RAPGEF1: variants seen among roughly 807,000 people sequenced by gnomAD.
The protein encoded by RAPGEF1 is Rap guanine nucleotide exchange factor 1, also known as CRK SH3-binding GNRP.
RAPGEF1 carries 33 observed loss-of-function variants against 143.3 expected under a neutral mutation model. That is an observed-to-expected ratio of 0.23 (90% CI 0.17 to 0.31). RAPGEF1 has a LOEUF of 0.31. Ranked by LOEUF, RAPGEF1 falls within the 10% of genes least tolerant of loss-of-function variation. The pLI is 1.00. For synonymous variants in RAPGEF1, 629 were observed against 676.5 expected, an observed-to-expected ratio of 0.93 and a Z score of 1.09; for missense variants, 1,199 against 1,645.4, an observed-to-expected ratio of 0.73 and a Z score of 4.69.
chr9:131,580,751 T>G (rs1377606492), intron 25 of RAPGEF1, among the ~76,000 whole-genome samples: 2 of 151,474 alleles, frequency 1.3e-5, no homozygotes, highest in Non-Finnish European at 2.9e-5. Flanking sequence ...GGGGCAGAGA[T>G]CTCCTTTTAT....
chr9:131,627,845 C>G, intron 9 of RAPGEF1, 68 bp downstream of exon 9: 1 of 1,505,926 alleles, frequency 6.6e-7, no homozygotes, highest in Admixed American at 2.0e-5. Flanking sequence ...GGGACTCCCA[C>G]CCAGGACTGT....
Position 131,598,242 on chromosome 9 carries a change from A to G in RAPGEF1, c.2570T>C (p.Ile857Thr), listed in dbSNP as rs765595015. ...CCTGGACATAATTTCGTTGTGGTCA[A>G]TGAGGGACAGCTCGTCCACTTCCTC... ...SEEEVDELSL[I>T]DHNEIMSRLT... The change falls in exon 16 of 27, where the codon ATT becomes ACT. Residue 857 changes from isoleucine to threonine, a missense_variant. Physicochemically the swap from Ile to Thr is moderately conservative, Grantham distance 89 (BLOSUM62 -1). Transcript: ENST00000683357. The G allele has an allele frequency of 4.3e-6, 7 of 1,613,916 alleles. No homozygotes were observed. Among genetic ancestry groups the G allele is most frequent in the South Asian group, 2.2e-5 (2 of 91,088 alleles).
chr9:131,614,206 A>G (rs1204154436), intron 12 of RAPGEF1, among the ~76,000 whole-genome samples: 1 of 151,944 alleles, frequency 6.6e-6, no homozygotes, highest in African/African-American at 2.4e-5. Context: ...GGTTCTGCCC[A>G]CAGATGCTCC....
chr9:131,686,957 GTTGAC>G (rs2130977768), intron 1 of RAPGEF1, among the ~76,000 whole-genome samples: 1 of 152,282 alleles, frequency 6.6e-6, no homozygotes, highest in East Asian at 1.9e-4. Context: ...TCTAAAATAA[GTTGAC>G]TGCTGAGGTG....
chr9:131,724,437 T>C (rs1388694683), intron 1 of RAPGEF1, among the ~76,000 whole-genome samples: 2 of 151,900 alleles, frequency 1.3e-5, no homozygotes, highest in African/African-American at 4.8e-5. Flanking sequence ...CTACCAAAAA[T>C]ACAAAAAATT....
chr9:131,609,332 G>A (rs376872686), intron 12 of RAPGEF1, among the ~76,000 whole-genome samples: 1 of 152,206 alleles, frequency 6.6e-6, no homozygotes, highest in African/African-American at 2.4e-5. Flanking sequence ...GAGACCACGT[G>A]CCTAATAACA....
chr9:131,733,038 A>G (rs1384915157), intron 1 of RAPGEF1, among the ~76,000 whole-genome samples: 2 of 152,150 alleles, frequency 1.3e-5, no homozygotes, highest in African/African-American at 4.8e-5. Context: ...CAAAGAGCCC[A>G]GAGGAAGTTG....
intron 6 of RAPGEF1, 96 bp from the exon 7 acceptor site, chr9:131,629,350 A>C: frequency 7.8e-7 from 1 of 1,278,252 alleles, no homozygotes; most frequent in Non-Finnish European, 1.1e-6. Flanking sequence ...CAGGAAGAAC[A>C]CAGTGGGTGA....
At chr9:131,680,431 C>T (rs1832807754) in intron 1 of RAPGEF1, among the ~76,000 whole-genome samples, 1 of 152,192 alleles carries the variant, frequency 6.6e-6, no homozygotes, top group Non-Finnish European at 1.5e-5. Flanking sequence ...TGGTCATAAA[C>T]GGAATCTCTG....
At chr9:131,720,116 C>T (rs936017108) in intron 1 of RAPGEF1, among the ~76,000 whole-genome samples, 4 of 152,122 alleles carry the variant, frequency 2.6e-5, no homozygotes, top group African/African-American at 4.8e-5. Context: ...AAACTCCTGA[C>T]CTCAGGTGAT....
rs199865632 is a variant in RAPGEF1 at position 131,726,055 on chromosome 9, G to A, written c.61+13715C>T. Among the ~76,000 whole-genome samples, 28 of 152,010 alleles carry A rather than the reference G, an allele frequency of 1.8e-4. No homozygotes were observed. In the East Asian group the frequency reaches 2.9e-3, roughly 16 times the overall value. On this transcript the variant is annotated intron_variant, in intron 1 of 26. Coordinates refer to ENST00000683357, the MANE Select transcript of RAPGEF1 (RefSeq NM_001377935.1). Reference sequence around the variant, plus strand: ...ATTACAGGTGTGAGCCACTGCACCCGGCCAAAATTGGGTTGTTTTTTGTTG... The same window carrying A: ...ATTACAGGTGTGAGCCACTGCACCCAGCCAAAATTGGGTTGTTTTTTGTTG...
At chr9:131,649,657 A>C (rs1970586114) in intron 3 of RAPGEF1, among the ~76,000 whole-genome samples, 4 of 152,164 alleles carry the variant, frequency 2.6e-5, no homozygotes, top group Admixed American at 2.6e-4. Context: ...GGCTCCATAA[A>C]TGTTAGGGAC....
intron 1 of RAPGEF1, among the ~76,000 whole-genome samples, chr9:131,670,694 C>T (rs1209371384): frequency 6.6e-6 from 1 of 152,156 alleles, no homozygotes; most frequent in African/African-American, 2.4e-5. Context: ...AAGGAAGAGG[C>T]CAAAGTTATA....
intron 15 of RAPGEF1, 29 bp from the exon 16 acceptor site, chr9:131,598,339 G>A (rs1564485880): frequency 6.3e-7 from 1 of 1,588,398 alleles, no homozygotes. Context: ...TGTGTTGCAA[G>A]TGTCAAACCG....
chr9:131,606,813 C>G (rs921827563), intron 12 of RAPGEF1, among the ~76,000 whole-genome samples: 1 of 151,948 alleles, frequency 6.6e-6, no homozygotes, highest in African/African-American at 2.4e-5. Context: ...TTTGTAGAAA[C>G]GGGGTCTTTC....
chr9:131,706,504 A>G (rs930882753), intron 1 of RAPGEF1, among the ~76,000 whole-genome samples: 1 of 144,948 alleles, frequency 6.9e-6, no homozygotes, highest in Non-Finnish European at 1.5e-5. Context: ...TCCTGAACTC[A>G]AGTGATCCGC....
At chr9:131,593,068 T>A (rs1235066047) in intron 17 of RAPGEF1, among the ~76,000 whole-genome samples, 1 of 152,184 alleles carries the variant, frequency 6.6e-6, no homozygotes, top group Non-Finnish European at 1.5e-5. Flanking sequence ...TAGGGTCCAA[T>A]CAGAAAAATC....
chr9:131,613,677 C>A (rs749864868), intron 12 of RAPGEF1, among the ~76,000 whole-genome samples: 9 of 152,148 alleles, frequency 5.9e-5, no homozygotes, highest in Non-Finnish European at 1.0e-4. Flanking sequence ...ATGTGCCAGG[C>A]ATGGGGACTA....
chr9:131,733,817 C>A (rs1837246719), intron 1 of RAPGEF1, among the ~76,000 whole-genome samples: 1 of 152,176 alleles, frequency 6.6e-6, no homozygotes. Flanking sequence ...CCAATCCGGG[C>A]TACTTTGGGA....
Sources: allele counts gnomAD v4.1 joint callset (sites outside exome capture counted in the v4.1 genomes callset), GRCh38; gene constraint gnomAD v4.1.1; transcripts MANE v1.5; gene names NCBI Gene and HGNC (gene_info 2026-07-23, HGNC 2026-07-21).